ILKAP: variants seen among roughly 807,000 people sequenced by gnomAD.
ILKAP encodes the protein ILK associated serine/threonine phosphatase, also known as integrin-linked kinase-associated serine/threonine phosphatase 2C.
ILKAP carries 11 observed loss-of-function variants against 49.1 expected under a neutral mutation model. That is an observed-to-expected ratio of 0.22 (90% CI 0.14 to 0.37). The LOEUF (loss-of-function observed/expected upper bound fraction) is 0.37, where lower values mean the gene tolerates loss of function less well. ILKAP is among the 10% of genes least tolerant of loss of function. The pLI, the probability that ILKAP is intolerant of heterozygous loss-of-function variation, is 1.00. For missense variants in ILKAP, 363 were observed against 510.8 expected (o/e 0.71, Z 2.79); for synonymous variants, 186 against 192.8 (o/e 0.96, Z 0.29).
intron 1 of ILKAP, among the ~76,000 whole-genome samples, chr2:238,202,135 G>A (rs1255707165): frequency 6.6e-6 from 1 of 152,236 alleles, no homozygotes; most frequent in African/African-American, 2.4e-5. Flanking sequence ...CTAGGCAGGA[G>A]AATTGTTTGA....
At chr2:238,173,026 A>G (rs1204656291) in intron 10 of ILKAP, among the ~76,000 whole-genome samples, 3 of 152,118 alleles carry the variant, frequency 2.0e-5, no homozygotes, top group African/African-American at 7.2e-5. Context: ...CTCTTTCTCA[A>G]CCGATCCTGG....
chr2:238,187,347 C>T (rs1257572336), intron 5 of ILKAP, among the ~76,000 whole-genome samples: 5 of 152,192 alleles, frequency 3.3e-5, no homozygotes, highest in Non-Finnish European at 7.3e-5. Context: ...ACTGGACAAA[C>T]GCCATCAGCC....
intron 6 of ILKAP, 28 bp downstream of exon 6, chr2:238,185,153 T>C (rs1693852747): frequency 2.2e-6 from 3 of 1,391,078 alleles, no homozygotes; most frequent in African/African-American, 1.4e-5. Flanking sequence ...CCAATTTGAG[T>C]ATCAACTGAT....
intron 1 of ILKAP, among the ~76,000 whole-genome samples, chr2:238,196,302 G>C (rs543131241): frequency 6.6e-6 from 1 of 152,002 alleles, no homozygotes; most frequent in Admixed American, 6.6e-5. Flanking sequence ...TATTGACCAG[G>C]CTAGTCTTGA....
intron 1 of ILKAP, among the ~76,000 whole-genome samples, chr2:238,196,086 C>CTTTT (rs34504570): frequency 3.1e-4 from 24 of 77,468 alleles, no homozygotes; most frequent in East Asian, 8.0e-4. Context: ...AACCAATTCA[C>CTTTT]TTTTTTTTTT....
At position 238,194,331 on chromosome 2, in the gene ILKAP, C is replaced by T; in HGVS notation, c.122G>A (p.Gly41Glu). The change falls in exon 3 of 12, where the codon GGA becomes GAA. Residue 41 changes from glycine (G) to glutamate (E), a missense_variant and splice_region_variant. Physicochemically the swap from Gly to Glu is moderately conservative, Grantham distance 98. Around this residue, in one of 3 missense-constraint regions of ILKAP, gnomAD observed 114 missense variants for 116.0 expected, o/e 0.98. Transcript: ENST00000254654. Reference sequence around the variant, plus strand: ...ATCAAAAAGCAAAGGTCCCCCTGATCCTGAAACACAGCAGAACACTTAGTG... The same window carrying T: ...ATCAAAAAGCAAAGGTCCCCCTGATTCTGAAACACAGCAGAACACTTAGTG... Reference protein sequence around the residue: ...DLPPASSTDSGSGGPLLFDDL... With the variant: ...DLPPASSTDSESGGPLLFDDL... The T allele has an allele frequency of 6.2e-7, 1 of 1,614,066 alleles. No individual in the cohort carries two copies. Among genetic ancestry groups the T allele is most frequent in the South Asian group, 1.1e-5 (1 of 91,074 alleles).
At chr2:238,187,189 C>G (rs1693942103) in intron 5 of ILKAP, 1 of 152,250 alleles carries the variant, frequency 6.6e-6, no homozygotes, top group Non-Finnish European at 1.5e-5. Flanking sequence ...GGAGGTCAAG[C>G]CTGCAATGAA....
In ILKAP at chr2:238,203,591, C is replaced by G; in HGVS notation, c.-38G>C. On this transcript the variant is annotated 5_prime_UTR_variant, in exon 1 of 12. Coordinates refer to ENST00000254654, the MANE Select transcript of ILKAP (RefSeq NM_030768.3). ...GTGGAGGCGGCAGCAGCGACAGACA[C>G]TCAGCCCGCGAGCAGCGGCCGGGCT... The G allele has an allele frequency of 8.9e-7, 1 of 1,129,018 alleles. No homozygotes were observed. Among genetic ancestry groups the G allele is most frequent in the Non-Finnish European group, 1.1e-6 (1 of 917,882 alleles). The allele number at this position is 1,129,018 out of a possible 1,614,324, so 69.9% of individuals were successfully genotyped here.
At chr2:238,178,064 A>T (rs138330075) in intron 9 of ILKAP, among the ~76,000 whole-genome samples, 73 of 152,392 alleles carry the variant, frequency 4.8e-4, no homozygotes, top group African/African-American at 1.5e-3. Flanking sequence ...TAATAACCAA[A>T]GTGGCAAAAT....
chr2:238,172,642 G>A (rs1204596210), intron 10 of ILKAP, among the ~76,000 whole-genome samples: 1 of 152,206 alleles, frequency 6.6e-6, no homozygotes, highest in Non-Finnish European at 1.5e-5. Flanking sequence ...AGAAGATGTG[G>A]AGAATGGGGC....
chr2:238,172,423 GTGGGGCCTAGTCCT>G (rs1434979284), intron 10 of ILKAP, among the ~76,000 whole-genome samples: 2 of 152,100 alleles, frequency 1.3e-5, no homozygotes, highest in African/African-American at 4.8e-5. Context: ...TGAGAACACC[GTGGGGCCTAGTCCT>G]GGCAGGCTCC....
At chr2:238,182,904 G>T (rs939108854) in intron 8 of ILKAP, among the ~76,000 whole-genome samples, 1 of 152,196 alleles carries the variant, frequency 6.6e-6, no homozygotes, top group African/African-American at 2.4e-5. Context: ...CATACCCCTA[G>T]CACTTAGTAT....
intron 7 of ILKAP, 115 bp from the exon 8 acceptor site, chr2:238,183,855 A>G: frequency 1.0e-6 from 1 of 993,992 alleles, no homozygotes; most frequent in Non-Finnish European, 1.5e-6. Context: ...TTTCCTTGAT[A>G]CTTGCTTTTT....
At chr2:238,182,277 G>C in intron 8 of ILKAP, 91 bp from the exon 9 acceptor site, 3 of 1,447,388 alleles carry the variant, frequency 2.1e-6, no homozygotes, top group Non-Finnish European at 2.9e-6. Context: ...AATGGAGTTT[G>C]AAGAAAACAG....
rs576574755 is a variant in ILKAP, at chr2:238,198,032, C to T, written c.56-3162G>A. Among the ~76,000 whole-genome samples the T allele has an allele frequency of 2.0e-4, 30 of 152,112 alleles. 1 individual carries two copies. The highest frequency in any genetic ancestry group is 3.9e-4 in the Admixed American group (6 of 15,282). ...GTACTATGCTGCCTCCATACATGGG[C>T]ACCCTTCCAGAAACTTCATAAACAT... On this transcript the variant is annotated intron_variant, in intron 1 of 11. Transcript: ENST00000254654.
chr2:238,202,957 C>T (rs981445194), intron 1 of ILKAP, among the ~76,000 whole-genome samples: 1 of 151,920 alleles, frequency 6.6e-6, no homozygotes, highest in Non-Finnish European at 1.5e-5. Context: ...TCCTGTCTTC[C>T]AGGCTTCAAA....
At chr2:238,181,832 T>A (rs73102393) in intron 9 of ILKAP, among the ~76,000 whole-genome samples, 1,533 of 152,274 alleles carry the variant, frequency 0.01, 29 homozygotes, top group African/African-American at 0.035. Context: ...ACACTGTGAA[T>A]GGTAAATATG....
intron 10 of ILKAP, among the ~76,000 whole-genome samples, chr2:238,171,227 T>C (rs1308952831): frequency 6.6e-6 from 1 of 151,438 alleles, no homozygotes; most frequent in African/African-American, 2.4e-5. Context: ...TGACGCAATC[T>C]TGGCTCACTG....
At chr2:238,191,683 A>C (rs1694128410) in intron 3 of ILKAP, among the ~76,000 whole-genome samples, 1 of 151,818 alleles carries the variant, frequency 6.6e-6, no homozygotes, top group South Asian at 2.1e-4. Context: ...TGAGATGGGC[A>C]GATCATCTAA....
Sources: allele counts gnomAD v4.1 joint callset (sites outside exome capture counted in the v4.1 genomes callset), GRCh38; gene constraint gnomAD v4.1.1; regional missense constraint gnomAD v4.1.1; transcripts MANE v1.5; gene names NCBI Gene and HGNC (gene_info 2026-07-23, HGNC 2026-07-21).